Variants in PDE1C observed in about 807,000 individuals in gnomAD.
The protein encoded by PDE1C is phosphodiesterase 1C, also known as dual specificity calcium/calmodulin-dependent 3',5'-cyclic nucleotide phosphodiesterase 1C.
PDE1C carries 62 observed loss-of-function variants against 93.1 expected under a neutral mutation model. The ratio of observed to expected loss-of-function variants is 0.67; its 90% CI spans 0.54 to 0.82. The LOEUF (loss-of-function observed/expected upper bound fraction) is 0.82. PDE1C is among the 40% of genes least tolerant of loss of function. The pLI, the probability that PDE1C is intolerant of heterozygous loss-of-function variation, is 0.00. For synonymous variants in PDE1C, 325 were observed against 310.1 expected (o/e 1.05, Z -0.50); for missense variants, 742 against 884.6 (o/e 0.84, Z 2.04).
At chr7:32,147,272 A>AAAAGAAAGAAAGAAAC (rs1800920051) in intron 3 of PDE1C, among the ~76,000 whole-genome samples, 67 of 96,694 alleles carry the variant, frequency 6.9e-4, no homozygotes, top group African/African-American at 2.3e-3. Context: ...AAGAAAGAAA[A>AAAAGAAAGAAAGAAAC]AAAGAAAGAA....
chr7:31,888,733 A>T (rs977283785), intron 2 of PDE1C, among the ~76,000 whole-genome samples: 16 of 152,278 alleles, frequency 1.1e-4, no homozygotes, highest in African/African-American at 3.4e-4. Flanking sequence ...TAATTGATCT[A>T]CTGAATATTG....
intron 1 of PDE1C, among the ~76,000 whole-genome samples, chr7:32,265,662 T>C (rs7780515): frequency 0.55 from 82,959 of 152,050 alleles, 24,665 homozygotes; most frequent in Admixed American, 0.67. Flanking sequence ...ATTAGGTTTT[T>C]CACCAAAATC....
chr7:32,353,632 T>A (rs2128083214), intron 1 of PDE1C, among the ~76,000 whole-genome samples: 1 of 151,370 alleles, frequency 6.6e-6, no homozygotes. Context: ...AACATATTTT[T>A]AAATCTTTTT....
chr7:32,302,368 C>A (rs1312661147), upstream of PDE1C, among the ~76,000 whole-genome samples: 3 of 152,154 alleles, frequency 2.0e-5, no homozygotes, highest in African/African-American at 7.2e-5. Context: ...TTGATCCAGT[C>A]AATAGCTAAG....
intron 2 of PDE1C, among the ~76,000 whole-genome samples, chr7:31,901,701 G>T (rs1329607163): frequency 6.6e-6 from 1 of 151,176 alleles, no homozygotes; most frequent in East Asian, 1.9e-4. Flanking sequence ...TTTATGTCTT[G>T]TCCTACCATC....
chr7:31,976,882 A>G (rs1166687175), intron 2 of PDE1C, among the ~76,000 whole-genome samples: 1 of 152,060 alleles, frequency 6.6e-6, no homozygotes, highest in Non-Finnish European at 1.5e-5. Flanking sequence ...CCACTGACCA[A>G]TTCATATGCT....
intron 1 of PDE1C, among the ~76,000 whole-genome samples, chr7:32,283,066 T>C (rs1811776095): frequency 6.6e-6 from 1 of 152,182 alleles, no homozygotes; most frequent in South Asian, 2.1e-4. Flanking sequence ...TACTCAACAA[T>C]TCCTAAGGCA....
At chr7:31,940,601 T>C (rs1805686052) in intron 2 of PDE1C, among the ~76,000 whole-genome samples, 1 of 152,092 alleles carries the variant, frequency 6.6e-6, no homozygotes. Context: ...CCAGAACCCA[T>C]AGGGATGGGT....
intron 7 of PDE1C, among the ~76,000 whole-genome samples, chr7:31,851,119 G>T (rs979271139): frequency 2.0e-5 from 3 of 147,668 alleles, no homozygotes; most frequent in African/African-American, 7.5e-5. Flanking sequence ...TTAGAAATTT[G>T]AATGCAATAC....
the PDE1C span, among the ~76,000 whole-genome samples, chr7:31,714,419 T>C: frequency 6.6e-6 from 1 of 152,314 alleles, no homozygotes; most frequent in Non-Finnish European, 1.5e-5. Context: ...TTCCAAACTT[T>C]CCCACATTTT....
rs187559095 is a variant in PDE1C, at chr7:31,867,030, C to T, written c.610-1948G>A. ...ACCATATTGAGAGCCCAGCCCCCAC[C>T]AGACTGCATACTACCTGGGGGCTCA... is the stretch of plus-strand genomic sequence containing the variant. On this transcript the variant is annotated intron_variant, in intron 6 of 17. Transcript: ENST00000396191. Among the ~76,000 whole-genome samples the T allele has an allele frequency of 2.9e-4, 44 of 152,242 alleles. No individual in the cohort carries two copies. In the East Asian group the frequency reaches 7.7e-3, roughly 27 times the overall value.
At chr7:32,361,150 G>T (rs528762124) in intron 1 of PDE1C, among the ~76,000 whole-genome samples, 2 of 152,146 alleles carry the variant, frequency 1.3e-5, no homozygotes, top group Non-Finnish European at 2.9e-5. Flanking sequence ...GCTTTGTACA[G>T]TTGGGGAAGC....
intron 2 of PDE1C, among the ~76,000 whole-genome samples, chr7:31,984,678 G>T (rs1783133990): frequency 6.6e-6 from 1 of 152,188 alleles, no homozygotes; most frequent in East Asian, 1.9e-4. Flanking sequence ...CACCAGTCTA[G>T]ATAGAGAATT....
chr7:32,350,528 C>A (rs1273444370), intron 1 of PDE1C, among the ~76,000 whole-genome samples: 2 of 148,552 alleles, frequency 1.3e-5, no homozygotes, highest in African/African-American at 5.1e-5. Context: ...CAACTAAGGT[C>A]TATGCATGGC....
chr7:31,962,566 A>C (rs1809162047), intron 2 of PDE1C, among the ~76,000 whole-genome samples: 1 of 152,220 alleles, frequency 6.6e-6, no homozygotes, highest in African/African-American at 2.4e-5. Context: ...ATTGGAACTA[A>C]AACTGTGTAG....
At chr7:32,039,446 G>A (rs760838988) in intron 2 of PDE1C, among the ~76,000 whole-genome samples, 4 of 152,168 alleles carry the variant, frequency 2.6e-5, no homozygotes, top group Non-Finnish European at 5.9e-5. Context: ...TGATCTAATG[G>A]TGGAACACAT....
chr7:32,358,130 C>T (rs1784066750), intron 1 of PDE1C, among the ~76,000 whole-genome samples: 1 of 152,166 alleles, frequency 6.6e-6, no homozygotes, highest in Admixed American at 6.5e-5. Context: ...TTCTGTTTTC[C>T]TCCTCCCCTT....
chr7:32,019,865 C>T (rs961867876), intron 2 of PDE1C, among the ~76,000 whole-genome samples: 1 of 152,140 alleles, frequency 6.6e-6, no homozygotes, highest in African/African-American at 2.4e-5. Context: ...GTTTTAAATA[C>T]ATTCCATTTG....
intron 1 of PDE1C, among the ~76,000 whole-genome samples, chr7:32,263,182 A>T (rs975122): frequency 0.7 from 107,100 of 152,104 alleles, 38,232 homozygotes; most frequent in Admixed American, 0.78. Flanking sequence ...GTATTGTTTT[A>T]AACTTTTTTG....
Sources: allele counts gnomAD v4.1 joint callset (sites outside exome capture counted in the v4.1 genomes callset), GRCh38; gene constraint gnomAD v4.1.1; transcripts MANE v1.5; gene names NCBI Gene and HGNC (gene_info 2026-07-23, HGNC 2026-07-21).